The following MYO16 variants were observed in gnomAD, a reference collection of about 807,000 sequenced individuals.
MYO16 encodes myosin XVI, also known as unconventional myosin-XVI.
A neutral mutation model predicts 205.3 loss-of-function variants in MYO16; 94 were observed. The ratio of observed to expected loss-of-function variants is 0.46; its 90% CI spans 0.39 to 0.54. The LOEUF is 0.54. Among genes scored for constraint, MYO16 ranks in the 20% least tolerant of loss-of-function variants. The pLI is 0.00. For missense variants in MYO16, 2,315 were observed against 2,387.5 expected, an observed-to-expected ratio of 0.97 and a Z score of 0.63; for synonymous variants, 988 against 954.0, an observed-to-expected ratio of 1.04 and a Z score of -0.66.
intron 1 of MYO16, among the ~76,000 whole-genome samples, chr13:108,623,107 A>C (rs1322641359): frequency 3.3e-5 from 5 of 152,150 alleles, no homozygotes; most frequent in Admixed American, 2.0e-4. Flanking sequence ...AGCTACACAC[A>C]CGACGTCCAG....
chr13:108,709,142 C>A (rs1883627885), intron 2 of MYO16, among the ~76,000 whole-genome samples: 1 of 152,124 alleles, frequency 6.6e-6, no homozygotes, highest in Non-Finnish European at 1.5e-5. Context: ...CCCCAGATGG[C>A]TGTTTTCCTT....
At chr13:108,711,185 C>T (rs1883707407) in intron 2 of MYO16, among the ~76,000 whole-genome samples, 1 of 152,196 alleles carries the variant, frequency 6.6e-6, no homozygotes, top group African/African-American at 2.4e-5. Context: ...GCCTTGGCCT[C>T]CTCAACTTCT....
At chr13:108,569,046 A>C in the MYO16 span, among the ~76,000 whole-genome samples, 1 of 151,840 alleles carries the variant, frequency 6.6e-6, no homozygotes, top group African/African-American at 2.4e-5. Flanking sequence ...CCAGCATCTC[A>C]CTGTTTTGAT....
At chr13:109,199,853 T>C (rs1244599955) in intron 34 of MYO16, among the ~76,000 whole-genome samples, 1 of 152,216 alleles carries the variant, frequency 6.6e-6, no homozygotes, top group Non-Finnish European at 1.5e-5. Flanking sequence ...TTGTTACCAG[T>C]AGTACATAAA....
Position 109,127,672 on chromosome 13 carries a change from T to C in MYO16, c.4051+122T>C. The C allele has an allele frequency of 8.1e-6, 8 of 990,616 alleles. No homozygotes were observed. Among genetic ancestry groups the C allele is most frequent in the Non-Finnish European group, 1.2e-5 (8 of 691,188 alleles). 61.4% of individuals were successfully genotyped at this position (990,616 alleles called of 1,614,324 possible). On this transcript the variant is annotated intron_variant, in intron 31 of 34. Transcript: ENST00000457511. This position sits in a 1 kb window ranked among gnomAD's most constrained non-coding sequence, Gnocchi z 4.2. Reference sequence around the variant, plus strand: ...TTCTTAATAGAAATAAATCCAATTGTTGGCTTGCCAGCAGCTCTTAATCAT... The same window carrying C: ...TTCTTAATAGAAATAAATCCAATTGCTGGCTTGCCAGCAGCTCTTAATCAT...
chr13:109,204,360 C>A (rs1347132504), intron 34 of MYO16, among the ~76,000 whole-genome samples: 1 of 152,156 alleles, frequency 6.6e-6, no homozygotes, highest in East Asian at 1.9e-4. Flanking sequence ...GAGATCACTA[C>A]TGTATGCTGA....
intron 1 of MYO16, among the ~76,000 whole-genome samples, chr13:108,663,385 C>A (rs1408931999): frequency 6.6e-6 from 1 of 152,140 alleles, no homozygotes; most frequent in Non-Finnish European, 1.5e-5. Flanking sequence ...CATGACACAG[C>A]TGACCCACTT....
intron 28 of MYO16, among the ~76,000 whole-genome samples, chr13:109,104,168 G>A (rs373914878): frequency 3.9e-5 from 6 of 152,078 alleles, no homozygotes; most frequent in African/African-American, 1.4e-4. Flanking sequence ...CTTTTCCTAT[G>A]TCATGTTCTT....
intron 20 of MYO16, among the ~76,000 whole-genome samples, chr13:108,990,147 TACACACACACACACAC>T (rs56975148): frequency 1.3e-5 from 2 of 148,488 alleles, no homozygotes; most frequent in Admixed American, 6.7e-5. Flanking sequence ...ACACAGACAA[TACACACACACACACAC>T]ACACACACAC....
At chr13:108,852,444 A>G (rs1877926933) in intron 10 of MYO16, among the ~76,000 whole-genome samples, 1 of 152,212 alleles carries the variant, frequency 6.6e-6, no homozygotes, top group Admixed American at 6.5e-5. Context: ...TGACCCTAGA[A>G]AAACTACATG....
chr13:108,725,339 AT>A (rs1161251358), intron 3 of MYO16, among the ~76,000 whole-genome samples: 2 of 151,706 alleles, frequency 1.3e-5, no homozygotes, highest in East Asian at 3.9e-4. Context: ...ATACTTGGCA[AT>A]TTTTTTGGTG....
At chr13:108,871,336 GTGTGT>G (rs1879045132) in intron 12 of MYO16, among the ~76,000 whole-genome samples, 1 of 134,414 alleles carries the variant, frequency 7.4e-6, no homozygotes, top group South Asian at 2.8e-4. Context: ...GTGTGTGTGT[GTGTGT>G]GTGTGTGTGT....
intron 16 of MYO16, among the ~76,000 whole-genome samples, chr13:108,918,354 A>G (rs1056895558): frequency 2.6e-5 from 4 of 152,252 alleles, no homozygotes; most frequent in African/African-American, 9.6e-5. Context: ...TTGCGCAAGA[A>G]ACTACCTTCA....
At chr13:108,632,599 AC>A (rs1478496439) in intron 1 of MYO16, among the ~76,000 whole-genome samples, 4 of 152,216 alleles carry the variant, frequency 2.6e-5, no homozygotes, top group African/African-American at 9.6e-5. Flanking sequence ...AATATCTGTT[AC>A]TTTGTAAAAC....
At chr13:109,066,978 G>C (rs1206642313) in intron 27 of MYO16, among the ~76,000 whole-genome samples, 1 of 152,156 alleles carries the variant, frequency 6.6e-6, no homozygotes, top group East Asian at 1.9e-4. Context: ...CCCCATAACA[G>C]CATCCACTCA....
At chr13:109,109,062 A>T (rs1408864399) in intron 28 of MYO16, among the ~76,000 whole-genome samples, 1 of 152,180 alleles carries the variant, frequency 6.6e-6, no homozygotes, top group Non-Finnish European at 1.5e-5. Flanking sequence ...TTGCTATTAC[A>T]ACAGTTTCTG....
chr13:108,641,798 T>G (rs1452189852), intron 1 of MYO16, among the ~76,000 whole-genome samples: 3 of 152,158 alleles, frequency 2.0e-5, no homozygotes, highest in African/African-American at 7.2e-5. Flanking sequence ...CCCTTTCATC[T>G]CACAGTGATA....
chr13:108,528,715 C>A, the MYO16 span, among the ~76,000 whole-genome samples: 2 of 123,978 alleles, frequency 1.6e-5, no homozygotes, highest in East Asian at 5.0e-4. Context: ...TCTCCCGTCA[C>A]GTCACCTCCC....
At chr13:109,107,107 G>A (rs999019598) in intron 28 of MYO16, among the ~76,000 whole-genome samples, 2 of 152,150 alleles carry the variant, frequency 1.3e-5, no homozygotes, top group African/African-American at 4.8e-5. Flanking sequence ...TTACTCTAGT[G>A]TGTGTGCATG....
Sources: allele counts gnomAD v4.1 joint callset (sites outside exome capture counted in the v4.1 genomes callset), GRCh38; gene constraint gnomAD v4.1.1; non-coding constraint Gnocchi (gnomAD v3.1); transcripts MANE v1.5; gene names NCBI Gene and HGNC (gene_info 2026-07-23, HGNC 2026-07-21).